The following SERPINI1 variants were observed in gnomAD, a reference collection of about 807,000 sequenced individuals.
SERPINI1 encodes the protein serpin family I member 1.
SERPINI1 carries 19 observed loss-of-function variants against 41.1 expected under a neutral mutation model. The observed-to-expected ratio is 0.46, with a 90% confidence interval of 0.32 to 0.68. The LOEUF (loss-of-function observed/expected upper bound fraction) is 0.68, where lower values mean the gene tolerates loss of function less well. Ranked by LOEUF, SERPINI1 falls within the 30% of genes least tolerant of loss-of-function variation. The probability of loss-of-function intolerance (pLI) is 0.03; values close to 1 mark genes in which losing one functional copy is unlikely to be tolerated. For missense variants in SERPINI1, 460 were observed against 479.2 expected, an observed-to-expected ratio of 0.96 and a Z score of 0.37; for synonymous variants, 138 against 156.6, an observed-to-expected ratio of 0.88 and a Z score of 0.89.
At chr3:167,813,741 G>T (rs964561776) in intron 6 of SERPINI1, among the ~76,000 whole-genome samples, 1 of 152,080 alleles carries the variant, frequency 6.6e-6, no homozygotes, top group African/African-American at 2.4e-5. Context: ...CTATTCAAAA[G>T]CATAGACATC....
chr3:167,782,886 G>A (rs1727184306), intron 1 of SERPINI1, among the ~76,000 whole-genome samples: 1 of 152,164 alleles, frequency 6.6e-6, no homozygotes, highest in Non-Finnish European at 1.5e-5. Context: ...GGAAAATTCT[G>A]GTGTATCTGA....
intron 1 of SERPINI1, among the ~76,000 whole-genome samples, chr3:167,770,026 T>A (rs1726694417): frequency 1.6e-5 from 2 of 128,358 alleles, no homozygotes; most frequent in South Asian, 4.5e-4. Context: ...TAGGCATGTT[T>A]ACTTTTTTTT....
chr3:167,796,820 G>T (rs1727730885), intron 5 of SERPINI1, among the ~76,000 whole-genome samples: 1 of 152,046 alleles, frequency 6.6e-6, no homozygotes, highest in African/African-American at 2.4e-5. Context: ...GTGCTGCAAT[G>T]AACATATGTG....
intron 5 of SERPINI1, among the ~76,000 whole-genome samples, chr3:167,796,994 CT>C (rs1284447932): frequency 2.0e-5 from 3 of 152,092 alleles, no homozygotes; most frequent in Non-Finnish European, 4.4e-5. Flanking sequence ...AAAAAAGTTC[CT>C]TTTTCTCCAC....
At chr3:167,753,753 C>T (rs914339394) in intron 1 of SERPINI1, among the ~76,000 whole-genome samples, 2 of 152,040 alleles carry the variant, frequency 1.3e-5, no homozygotes, top group African/African-American at 4.8e-5. Context: ...TGCCTAGAAC[C>T]AATGTCACAA....
intron 6 of SERPINI1, among the ~76,000 whole-genome samples, chr3:167,812,043 T>C (rs1451146768): frequency 6.6e-6 from 1 of 152,140 alleles, no homozygotes; most frequent in Non-Finnish European, 1.5e-5. Flanking sequence ...AAAAACGGAG[T>C]GACTTGAGAT....
At chr3:167,746,225 T>A (rs574059301) in intron 1 of SERPINI1, among the ~76,000 whole-genome samples, 1 of 152,154 alleles carries the variant, frequency 6.6e-6, no homozygotes, top group Non-Finnish European at 1.5e-5. Flanking sequence ...CAACTGGATA[T>A]CTACATGGAA....
At chr3:167,802,463 G>A (rs1212762409) in intron 5 of SERPINI1, among the ~76,000 whole-genome samples, 18 of 149,772 alleles carry the variant, frequency 1.2e-4, no homozygotes, top group Admixed American at 4.0e-4. Context: ...AAAAGTGGCC[G>A]AAGGACATGA....
chr3:167,820,460 G>T (rs1412337749), intron 6 of SERPINI1, among the ~76,000 whole-genome samples: 1 of 152,198 alleles, frequency 6.6e-6, no homozygotes. Context: ...TGCTCCTACT[G>T]CCTGGCCTCT....
chr3:167,758,565 G>A (rs1038915444), intron 1 of SERPINI1, among the ~76,000 whole-genome samples: 3 of 152,112 alleles, frequency 2.0e-5, no homozygotes, highest in Non-Finnish European at 4.4e-5. Context: ...ATTAAAATTA[G>A]TGTTCAAAGA....
intron 7 of SERPINI1, 55 bp downstream of exon 7, chr3:167,823,127 C>T (rs927429535): frequency 4.2e-6 from 5 of 1,186,652 alleles, no homozygotes; most frequent in Non-Finnish European, 6.3e-6. Context: ...TTAGAGCAAT[C>T]TTGAGTGGGG....
chr3:167,780,867 C>T (rs180791070), intron 1 of SERPINI1, among the ~76,000 whole-genome samples: 2 of 152,174 alleles, frequency 1.3e-5, no homozygotes, highest in African/African-American at 4.8e-5. Context: ...TTCAACTGAG[C>T]GAACAAGGAT....
Position 167,825,259 on chromosome 3 carries a change from T to C in SERPINI1, c.1169T>C (p.Phe390Ser). The change falls in exon 9 of 9, where the codon TTC becomes TCC. Residue 390 changes from phenylalanine (F) to serine (S), a missense_variant. Physicochemically the swap from Phe to Ser is radical, Grantham distance 155. Transcript: ENST00000446050. ...IRNRRTGTIL[F>S]MGRVMHPETM... ...TGAACCAATACAGGTACAATTCTATTCATGGGACGAGTCATGCATCCTGAA... is the reference window on the plus strand; with the variant it reads ...TGAACCAATACAGGTACAATTCTATCCATGGGACGAGTCATGCATCCTGAA... 1 of 1,612,038 alleles carries C rather than the reference T, an allele frequency of 6.2e-7. No homozygotes were observed. The highest frequency in any genetic ancestry group is 8.5e-7 in the Non-Finnish European group (1 of 1,178,180).
At chr3:167,794,953 CTTCTCCTTCTCT>C (rs1471334994) in intron 5 of SERPINI1, 129 bp downstream of exon 5, 3 of 723,182 alleles carry the variant, frequency 4.1e-6, no homozygotes, top group Non-Finnish European at 7.2e-6. Context: ...TATTCTTGTT[CTTCTCCTTCTCT>C]TTCTCCTTCT....
intron 1 of SERPINI1, among the ~76,000 whole-genome samples, chr3:167,773,469 A>C (rs1262319600): frequency 6.6e-6 from 1 of 152,190 alleles, no homozygotes; most frequent in African/African-American, 2.4e-5. Flanking sequence ...TCCTTGACAC[A>C]TCTTTCTACA....
rs558261774 is a variant in SERPINI1 at position 167,775,225 on chromosome 3, TTTATTATTATTATTATTA to T, written c.-18-13850_-18-13833del. ...CCTTCAGGGTACAACGAAGTGTCAC[TTTATTATTATTATTATTA>T]TTATTATTATTATTATTATTATTAT... On this transcript the variant is annotated intron_variant, in intron 1 of 8. Transcript: ENST00000446050. Among the ~76,000 whole-genome samples the T allele has an allele frequency of 5.7e-3, 764 of 134,336 alleles. 3 individuals are homozygous for T. Among genetic ancestry groups the T allele is most frequent in the Non-Finnish European group, 6.9e-3 (440 of 63,880 alleles). 88.1% of individuals were successfully genotyped at this position (134,336 alleles called of 152,430 possible). A position where few individuals can be genotyped will look rare whatever the true frequency, so the allele number is the denominator to read the frequency against.
intron 1 of SERPINI1, among the ~76,000 whole-genome samples, chr3:167,742,818 TTGTGTGTGTGTG>T (rs10576293): frequency 4.8e-4 from 69 of 145,094 alleles, no homozygotes; most frequent in Middle Eastern, 3.7e-3. Flanking sequence ...TTGTGCCGTT[TTGTGTGTGTGTG>T]TGTGTGTGTG....
chr3:167,790,214 C>T (rs1019759100), intron 2 of SERPINI1, among the ~76,000 whole-genome samples, 158 bp from the exon 3 acceptor site: 1 of 152,110 alleles, frequency 6.6e-6, no homozygotes, highest in African/African-American at 2.4e-5. Flanking sequence ...AGAAATAGTA[C>T]AAGTATTGGA....
At chr3:167,816,306 G>A (rs1285901945) in intron 6 of SERPINI1, among the ~76,000 whole-genome samples, 2 of 151,902 alleles carry the variant, frequency 1.3e-5, no homozygotes, top group South Asian at 4.2e-4. Context: ...TCAGCCTCCC[G>A]TAGTGCTGGG....
Sources: allele counts gnomAD v4.1 joint callset (sites outside exome capture counted in the v4.1 genomes callset), GRCh38; gene constraint gnomAD v4.1.1; transcripts MANE v1.5; gene names NCBI Gene and HGNC (gene_info 2026-07-23, HGNC 2026-07-21).